NELL1: variants seen among roughly 807,000 people sequenced by gnomAD.
NELL1 encodes the protein neural EGFL like 1.
NELL1 carries 76 observed loss-of-function variants against 107.4 expected under a neutral mutation model. The observed-to-expected ratio is 0.71, with a 90% CI of 0.59 to 0.86. The LOEUF is 0.86. Ranked by LOEUF, NELL1 falls within the 40% of genes least tolerant of loss-of-function variation. The pLI, the probability that NELL1 is intolerant of heterozygous loss-of-function variation, is 0.00. For missense variants in NELL1, 1,024 were observed against 1,005.5 expected (o/e 1.02, Z -0.25); for synonymous variants, 353 against 341.2 (o/e 1.03, Z -0.38).
At chr11:21,152,954 AT>A (rs956900929) in intron 13 of NELL1, among the ~76,000 whole-genome samples, 1 of 151,932 alleles carries the variant, frequency 6.6e-6, no homozygotes, top group African/African-American at 2.4e-5. Context: ...TTTATTCTAG[AT>A]TTGTTTTCTA....
intron 10 of NELL1, among the ~76,000 whole-genome samples, chr11:20,943,878 G>A (rs1850909190): frequency 6.6e-6 from 1 of 152,208 alleles, no homozygotes; most frequent in Non-Finnish European, 1.5e-5. Context: ...GTCTATCTGA[G>A]AATATCAGAT....
intron 5 of NELL1, among the ~76,000 whole-genome samples, chr11:20,903,242 T>G (rs1233678328): frequency 1.3e-5 from 2 of 152,080 alleles, no homozygotes; most frequent in Non-Finnish European, 2.9e-5. Context: ...TCCAAGTGTC[T>G]CAGTTTAAAA....
chr11:21,153,463 C>A (rs1171803749), intron 13 of NELL1, among the ~76,000 whole-genome samples: 1 of 152,002 alleles, frequency 6.6e-6, no homozygotes, highest in Admixed American at 6.6e-5. Context: ...TAAGCACTTG[C>A]TGTGTAACAG....
intron 13 of NELL1, 98 bp from the exon 14 acceptor site, chr11:21,229,234 C>T: frequency 7.2e-7 from 1 of 1,390,408 alleles, no homozygotes; most frequent in South Asian, 1.3e-5. Flanking sequence ...GTGGTAGTCA[C>T]TGTCATTCTT....
chr11:21,555,831 G>T (rs1239581997), intron 16 of NELL1, among the ~76,000 whole-genome samples: 2 of 151,916 alleles, frequency 1.3e-5, no homozygotes, highest in Non-Finnish European at 2.9e-5. Context: ...CACGCTAATG[G>T]ATCTCTTCTG....
At chr11:20,751,411 T>C (rs1198539076) in intron 2 of NELL1, among the ~76,000 whole-genome samples, 3 of 152,200 alleles carry the variant, frequency 2.0e-5, no homozygotes. Flanking sequence ...AATTTAGGTT[T>C]CTTTAATATC....
intron 2 of NELL1, among the ~76,000 whole-genome samples, chr11:20,744,564 A>G (rs192815871): frequency 2.0e-4 from 30 of 152,306 alleles, no homozygotes; most frequent in African/African-American, 7.2e-4. Context: ...TCTTTATAGT[A>G]GTTTAAGCTC....
At chr11:21,135,527 A>G (rs1263637289) in intron 13 of NELL1, among the ~76,000 whole-genome samples, 1 of 152,226 alleles carries the variant, frequency 6.6e-6, no homozygotes, top group Non-Finnish European at 1.5e-5. Flanking sequence ...TTTGTGTCTT[A>G]GTTCTACAAC....
chr11:20,772,731 T>G (rs1444825628), intron 2 of NELL1, among the ~76,000 whole-genome samples: 1 of 152,202 alleles, frequency 6.6e-6, no homozygotes, highest in Non-Finnish European at 1.5e-5. Flanking sequence ...CAGCAGGTAC[T>G]TGGCAGAGCT....
intron 12 of NELL1, among the ~76,000 whole-genome samples, chr11:21,047,917 G>A (rs900131872): frequency 6.6e-6 from 1 of 152,138 alleles, no homozygotes; most frequent in Non-Finnish European, 1.5e-5. Flanking sequence ...CCAAAAACTA[G>A]GTAACCAGCG....
intron 3 of NELL1, among the ~76,000 whole-genome samples, chr11:20,799,500 G>A (rs1471401447): frequency 6.6e-6 from 1 of 152,086 alleles, no homozygotes; most frequent in Non-Finnish European, 1.5e-5. Flanking sequence ...TAGAGCAAAT[G>A]CACACACTTT....
intron 3 of NELL1, among the ~76,000 whole-genome samples, chr11:20,834,892 C>G (rs1157949765): frequency 6.6e-6 from 1 of 152,042 alleles, no homozygotes; most frequent in Non-Finnish European, 1.5e-5. Flanking sequence ...CCTATCAGTC[C>G]TAACATAAAA....
intron 13 of NELL1, among the ~76,000 whole-genome samples, chr11:21,180,746 G>C (rs904492668): frequency 4.6e-5 from 7 of 151,470 alleles, no homozygotes; most frequent in African/African-American, 1.5e-4. Flanking sequence ...TCCTTTACTG[G>C]GGCAAGGTTT....
intron 10 of NELL1, among the ~76,000 whole-genome samples, chr11:20,942,511 A>G (rs1243179716): frequency 1.3e-5 from 2 of 152,190 alleles, no homozygotes; most frequent in African/African-American, 2.4e-5. Flanking sequence ...GGGGTGGTCA[A>G]TAACCTATAG....
chr11:20,764,548 A>T (rs976648732), intron 2 of NELL1, among the ~76,000 whole-genome samples: 3 of 151,632 alleles, frequency 2.0e-5, no homozygotes, highest in Admixed American at 2.0e-4. Context: ...CTCAGCTGTG[A>T]CTGCCCATCA....
intron 2 of NELL1, among the ~76,000 whole-genome samples, chr11:20,765,614 A>G (rs1856513226): frequency 6.6e-6 from 1 of 152,074 alleles, no homozygotes; most frequent in South Asian, 2.1e-4. Flanking sequence ...CAGGCAAAAT[A>G]ATGGCCTGAC....
intron 15 of NELL1, among the ~76,000 whole-genome samples, chr11:21,382,025 C>A (rs527716901): frequency 6.8e-6 from 1 of 146,704 alleles, no homozygotes; most frequent in Admixed American, 7.1e-5. Context: ...TGACTCTGTA[C>A]ATAGGAAGAG....
At chr11:21,373,308 T>C (rs1000314292) in intron 15 of NELL1, among the ~76,000 whole-genome samples, 1 of 152,092 alleles carries the variant, frequency 6.6e-6, no homozygotes, top group African/African-American at 2.4e-5. Context: ...GTCATGTTGA[T>C]CATTAGCAAT....
intron 13 of NELL1, among the ~76,000 whole-genome samples, chr11:21,179,862 CTTT>C (rs1164420669): frequency 7.0e-4 from 53 of 75,696 alleles, no homozygotes; most frequent in African/African-American, 2.1e-3. Flanking sequence ...AATCAACACA[CTTT>C]TTTTTTTTTT....
Sources: gnomAD v4.1 joint callset for allele counts (sites outside exome capture counted in the v4.1 genomes callset) on GRCh38, gnomAD v4.1.1 for gene constraint, MANE v1.5 for transcripts, NCBI Gene and HGNC (gene_info 2026-07-23, HGNC 2026-07-21) for gene names.